CREB5: variants seen among roughly 807,000 people sequenced by gnomAD.
CREB5 encodes the protein cyclic AMP-responsive element-binding protein 5.
A neutral mutation model predicts 57.1 loss-of-function variants in CREB5; 19 were observed. The observed-to-expected ratio is 0.33, with a 90% CI of 0.23 to 0.49. The LOEUF is 0.49. Among genes scored for constraint, CREB5 ranks in the 20% least tolerant of loss-of-function variants. The probability of loss-of-function intolerance (pLI) is 0.99; values close to 1 mark genes in which losing one functional copy is unlikely to be tolerated. For synonymous variants in CREB5, 238 were observed against 238.3 expected (o/e 1.00, Z 0.01); for missense variants, 579 against 671.6 (o/e 0.86, Z 1.52).
At chr7:28,413,117 T>A (rs1422081667) in intron 1 of CREB5, among the ~76,000 whole-genome samples, 200 bp downstream of exon 1, 1 of 151,886 alleles carries the variant, frequency 6.6e-6, no homozygotes. Context: ...TGTGTGTGTG[T>A]GTGTGTGTGA....
chr7:28,809,071 C>A, intron 8 of CREB5, 116 bp from the exon 9 acceptor site: 1 of 909,484 alleles, frequency 1.1e-6, no homozygotes, highest in Non-Finnish European at 1.7e-6. Flanking sequence ...GTCTCATATG[C>A]TGACTGAAAC....
chr7:28,334,590 G>C (rs573179470), intron 1 of CREB5, among the ~76,000 whole-genome samples: 1 of 152,286 alleles, frequency 6.6e-6, no homozygotes, highest in East Asian at 1.9e-4. Flanking sequence ...TATATACTCT[G>C]GTTATTAATC....
At chr7:28,462,320 G>A (rs1361547337) in intron 1 of CREB5, among the ~76,000 whole-genome samples, 1 of 152,082 alleles carries the variant, frequency 6.6e-6, no homozygotes, top group Non-Finnish European at 1.5e-5. Context: ...TTCATTAGTT[G>A]GGCATTTGGG....
At chr7:28,326,935 G>C (rs1785618652) in intron 1 of CREB5, among the ~76,000 whole-genome samples, 1 of 152,112 alleles carries the variant, frequency 6.6e-6, no homozygotes, top group African/African-American at 2.4e-5. Context: ...AGATCACGAG[G>C]TCAGGAGTTC....
chr7:28,783,491 T>C (rs1041723644), intron 7 of CREB5, among the ~76,000 whole-genome samples: 1 of 152,242 alleles, frequency 6.6e-6, no homozygotes, highest in African/African-American at 2.4e-5. Context: ...AAAATTGTCA[T>C]AGTCTGAATA....
chr7:28,320,092 G>A (rs570207530), intron 1 of CREB5, among the ~76,000 whole-genome samples: 2 of 151,990 alleles, frequency 1.3e-5, no homozygotes, highest in East Asian at 1.9e-4. Context: ...CACCATGCCT[G>A]GCTAATTTTT....
intron 1 of CREB5, among the ~76,000 whole-genome samples, chr7:28,477,915 G>A (rs1303821650): frequency 6.6e-6 from 1 of 152,180 alleles, no homozygotes; most frequent in African/African-American, 2.4e-5. Context: ...GGGAGTTTGA[G>A]ACCAGCCTGG....
intron 1 of CREB5, among the ~76,000 whole-genome samples, chr7:28,350,628 G>A (rs144610152): frequency 1.3e-5 from 2 of 152,226 alleles, no homozygotes; most frequent in African/African-American, 4.8e-5. Flanking sequence ...CTGGAAAAGA[G>A]AGATTCCTCT....
intron 1 of CREB5, among the ~76,000 whole-genome samples, chr7:28,342,536 C>T (rs1266910368): frequency 6.6e-6 from 1 of 152,212 alleles, no homozygotes; most frequent in African/African-American, 2.4e-5. Context: ...CATTATAATA[C>T]AGCATCATAG....
At chr7:28,528,981 G>T (rs1483848302) in intron 4 of CREB5, among the ~76,000 whole-genome samples, 2 of 152,122 alleles carry the variant, frequency 1.3e-5, no homozygotes, top group Non-Finnish European at 2.9e-5. Flanking sequence ...AATTGACTTT[G>T]CAATGATTCC....
Position 28,342,672 on chromosome 7 carries a change from CTCTG to C in CREB5, c.-25+43237_-25+43240del, listed in dbSNP as rs1785960637. ...ATCACTCCATCTCTATTTACAACCC[CTCTG>C]TCTGTTCCACCTCATGCTGGGCCTG... On this transcript the variant is annotated intron_variant, in intron 1 of 9. Transcript: ENST00000396299. Among the ~76,000 whole-genome samples, 3 of 152,214 alleles carry C rather than the reference CTCTG, an allele frequency of 2.0e-5. 1 individual carries two copies. In the South Asian group the frequency reaches 6.2e-4, roughly 32 times the overall value.
At chr7:28,359,546 T>G (rs1217339241) in intron 1 of CREB5, among the ~76,000 whole-genome samples, 1 of 152,186 alleles carries the variant, frequency 6.6e-6, no homozygotes, top group Non-Finnish European at 1.5e-5. Flanking sequence ...AACTCTTATT[T>G]CATACCATAT....
intron 5 of CREB5, among the ~76,000 whole-genome samples, chr7:28,668,511 C>T (rs1799913680): frequency 6.6e-6 from 1 of 151,836 alleles, no homozygotes; most frequent in Admixed American, 6.6e-5. Flanking sequence ...TTGCTATGGC[C>T]AATGAAATAT....
At chr7:28,442,110 T>A (rs976150634) in intron 1 of CREB5, among the ~76,000 whole-genome samples, 1 of 152,260 alleles carries the variant, frequency 6.6e-6, no homozygotes, top group Non-Finnish European at 1.5e-5. Context: ...CAGCCTCTAA[T>A]ACTCACAATT....
chr7:28,387,274 C>A (rs6972942), intron 1 of CREB5, among the ~76,000 whole-genome samples: 1 of 151,864 alleles, frequency 6.6e-6, no homozygotes, highest in Non-Finnish European at 1.5e-5. Flanking sequence ...GCCATTCTAA[C>A]TGGTGTGAGA....
intron 10 of CREB5, 75 bp from the exon 11 acceptor site, chr7:28,819,041 T>A (rs535406346): frequency 1.4e-6 from 2 of 1,476,336 alleles, no homozygotes; most frequent in African/African-American, 2.8e-5. Context: ...CTCTGAGGAG[T>A]CCACAAGTCC....
intron 1 of CREB5, among the ~76,000 whole-genome samples, chr7:28,487,059 C>G (rs1029312059): frequency 6.6e-5 from 10 of 152,166 alleles, no homozygotes; most frequent in East Asian, 1.9e-4. Context: ...CTCTGTCACC[C>G]AGGCTGGAGT....
chr7:28,560,973 C>T (rs796074020), intron 4 of CREB5, among the ~76,000 whole-genome samples: 8 of 31,712 alleles, frequency 2.5e-4, no homozygotes, highest in African/African-American at 6.3e-4. Context: ...TGTGTGTGTG[C>T]GTGTGTGCGT....
At position 28,809,335 on chromosome 7, in the gene CREB5, G is replaced by C; in HGVS notation, c.1175G>C (p.Cys392Ser). The C allele has an allele frequency of 6.2e-7, 1 of 1,614,174 alleles. No individual in the cohort carries two copies. The highest frequency in any genetic ancestry group is 8.5e-7 in the Non-Finnish European group (1 of 1,180,024). ...LERNRAAATR[C>S]RQKRKVWVMS... Reference sequence around the variant, plus strand: ...CGGAACCGGGCAGCTGCCACCCGCTGCAGACAGAAGAGGAAGGTCTGGGTG... The same window carrying C: ...CGGAACCGGGCAGCTGCCACCCGCTCCAGACAGAAGAGGAAGGTCTGGGTG... Residue 392 changes from cysteine to serine, a missense_variant, in exon 9 of 11, where the codon TGC (cysteine) becomes TCC (serine). Around this residue, in one of 3 missense-constraint regions of CREB5, gnomAD observed 6 missense variants for 25.2 expected, o/e 0.24. Transcript: ENST00000357727.
Sources: allele counts gnomAD v4.1 joint callset (sites outside exome capture counted in the v4.1 genomes callset), GRCh38; gene constraint gnomAD v4.1.1; regional missense constraint gnomAD v4.1.1; transcripts MANE v1.5; gene names NCBI Gene and HGNC (gene_info 2026-07-23, HGNC 2026-07-21).